The following TBC1D32 variants were observed in gnomAD, a reference collection of about 807,000 sequenced individuals.
TBC1D32 encodes TBC1 domain family member 32.
Under a neutral mutation model 170.3 loss-of-function variants are expected in TBC1D32, and 151 were observed. That is an observed-to-expected ratio of 0.89 (90% CI 0.78 to 1.01). TBC1D32 has a LOEUF of 1.01. Among genes scored for constraint, TBC1D32 ranks in the 50% least tolerant of loss-of-function variants. The pLI, the probability that TBC1D32 is intolerant of heterozygous loss-of-function variation, is 0.00. For missense variants in TBC1D32, 1,464 were observed against 1,457.1 expected, an observed-to-expected ratio of 1.00 and a Z score of -0.08; for synonymous variants, 498 against 488.0, an observed-to-expected ratio of 1.02 and a Z score of -0.27.
rs187835969 is a variant in TBC1D32, at chr6:121,334,449, C to A, written c.-19G>T. ...GGGCCATCCTGTTGGAATCAAACGT[C>A]CACTCTCATTACTCCAGGTCCGAGC... On this transcript the variant is annotated 5_prime_UTR_variant, in exon 1 of 32. Transcript: ENST00000398212. The A allele has an allele frequency of 6.2e-7, 1 of 1,609,156 alleles. No individual in the cohort carries two copies. The highest frequency in any genetic ancestry group is 2.2e-5 in the East Asian group (1 of 44,640).
At chr6:121,278,393 T>C (rs1298279154) in intron 15 of TBC1D32, among the ~76,000 whole-genome samples, 1 of 152,106 alleles carries the variant, frequency 6.6e-6, no homozygotes, top group Admixed American at 6.6e-5. Flanking sequence ...GATTTATATA[T>C]CATGAACAAG....
At chr6:121,251,369 T>C (rs1184158633) in intron 17 of TBC1D32, among the ~76,000 whole-genome samples, 1 of 151,716 alleles carries the variant, frequency 6.6e-6, no homozygotes, top group East Asian at 1.9e-4. Flanking sequence ...TATAGACCAA[T>C]GGAACAGAAC....
chr6:121,262,793 GA>G (rs1295634963), intron 15 of TBC1D32, among the ~76,000 whole-genome samples: 4 of 152,018 alleles, frequency 2.6e-5, no homozygotes. Flanking sequence ...CATTCTTAAA[GA>G]AAAAAATTTT....
chr6:121,203,199 A>G (rs1791821146), intron 22 of TBC1D32, among the ~76,000 whole-genome samples: 1 of 151,422 alleles, frequency 6.6e-6, no homozygotes. Context: ...GATATCAATG[A>G]CCAATAATAG....
chr6:121,243,021 T>C (rs1797184502), intron 17 of TBC1D32, among the ~76,000 whole-genome samples: 1 of 151,814 alleles, frequency 6.6e-6, no homozygotes, highest in African/African-American at 2.4e-5. Flanking sequence ...TATACATTAA[T>C]GTCTTAGGAA....
At chr6:121,112,738 T>A in intron 28 of TBC1D32, 79 bp from the exon 29 acceptor site, 1 of 1,188,704 alleles carries the variant, frequency 8.4e-7, no homozygotes, top group Non-Finnish European at 1.1e-6. Flanking sequence ...ATAAAATGAA[T>A]ATATTAAATA....
chr6:121,195,255 T>A (rs1425440035), intron 22 of TBC1D32, among the ~76,000 whole-genome samples: 5 of 152,180 alleles, frequency 3.3e-5, no homozygotes, highest in African/African-American at 1.2e-4. Context: ...ATCCAGCAGA[T>A]CCAATGAGGC....
intron 14 of TBC1D32, 60 bp from the exon 15 acceptor site, chr6:121,279,305 CA>C (rs1431102822): frequency 6.5e-7 from 1 of 1,545,988 alleles, no homozygotes; most frequent in Non-Finnish European, 8.7e-7. Flanking sequence ...TAACATATCA[CA>C]GACTAAAATC....
At chr6:121,137,360 GT>G (rs1414058193) in intron 24 of TBC1D32, among the ~76,000 whole-genome samples, 3 of 151,200 alleles carry the variant, frequency 2.0e-5, no homozygotes. Context: ...CTACCAGTTT[GT>G]TTTCCCAAGA....
chr6:121,188,790 A>C (rs1789550851), intron 22 of TBC1D32, among the ~76,000 whole-genome samples: 1 of 152,156 alleles, frequency 6.6e-6, no homozygotes, highest in Non-Finnish European at 1.5e-5. Flanking sequence ...AAAAATAAAA[A>C]ATAGTGGTTA....
At chr6:121,124,009 T>A (rs902523595) in intron 26 of TBC1D32, among the ~76,000 whole-genome samples, 4 of 152,006 alleles carry the variant, frequency 2.6e-5, no homozygotes, top group Admixed American at 1.3e-4. Flanking sequence ...CCATTTTGAA[T>A]TTTTGACTTC....
chr6:121,323,098 T>C lies in TBC1D32; in HGVS notation c.156-1304A>G, dbSNP rs866745742. On this transcript the variant is annotated intron_variant, in intron 1 of 31. Transcript: ENST00000398212. ...GCATTATTTTTCAATACTCCCAAAC[T>C]TGACAACATAGGATGCTCTTTAATG... is the stretch of plus-strand genomic sequence containing the variant. Among the ~76,000 whole-genome samples the C allele has an allele frequency of 1.6e-3, 237 of 152,204 alleles. 1 individual carries two copies. Among genetic ancestry groups the C allele is most frequent in the African/African-American group, 5.5e-3 (230 of 41,456 alleles).
chr6:121,307,212 A>G (rs1807459266), intron 5 of TBC1D32, among the ~76,000 whole-genome samples: 1 of 151,156 alleles, frequency 6.6e-6, no homozygotes, highest in Admixed American at 6.6e-5. Flanking sequence ...CCATCTCTAC[A>G]AAAAATACAA....
At position 121,198,291 on chromosome 6, in the gene TBC1D32, C is replaced by CAT. The variant is rs1354601287; in HGVS notation, c.2570+6782_2570+6783dup. ...TATATATAATATACACACACACACA[C>CAT]ATATATATGTATCCTATAAGTTTGG... On this transcript the variant is annotated intron_variant, in intron 22 of 31. Transcript: ENST00000398212. 3.6e-5 allele frequency among the ~76,000 whole-genome samples: 5 copies of CAT among 137,970 alleles called. No individual in the cohort carries two copies. The East Asian group carries it at 8.1e-4, about 22-fold the overall frequency. The allele number at this position is 137,970 out of a possible 152,430, so 90.5% of individuals were successfully genotyped here. A position where few individuals can be genotyped will look rare whatever the true frequency, so the allele number is the denominator to read the frequency against.
intron 3 of TBC1D32, among the ~76,000 whole-genome samples, chr6:121,311,294 G>T (rs1808158106): frequency 6.6e-6 from 1 of 152,028 alleles, no homozygotes; most frequent in Admixed American, 6.5e-5. Context: ...GTTCTTTGGT[G>T]AAAAAACTCC....
intron 15 of TBC1D32, among the ~76,000 whole-genome samples, chr6:121,276,127 A>C (rs1802178947): frequency 6.6e-6 from 1 of 151,812 alleles, no homozygotes; most frequent in African/African-American, 2.4e-5. Flanking sequence ...CTCAAAAAAA[A>C]AAAAAAAACA....
intron 22 of TBC1D32, among the ~76,000 whole-genome samples, chr6:121,171,890 C>T (rs939291309): frequency 2.6e-5 from 4 of 151,872 alleles, no homozygotes; most frequent in African/African-American, 9.7e-5. Flanking sequence ...AGGAAATAGG[C>T]GATCCAAGAA....
At chr6:121,111,911 C>T (rs1047313015) in intron 29 of TBC1D32, among the ~76,000 whole-genome samples, 3 of 151,960 alleles carry the variant, frequency 2.0e-5, no homozygotes, top group African/African-American at 7.2e-5. Flanking sequence ...GCAGTTTCCC[C>T]TAGTTGGAAA....
At chr6:121,317,450 A>G (rs1809084040) in intron 3 of TBC1D32, 45 bp downstream of exon 3, 5 of 1,395,524 alleles carry the variant, frequency 3.6e-6, no homozygotes, top group Non-Finnish European at 4.8e-6. Flanking sequence ...GCTAATTATT[A>G]TTAAACAGCA....
Sources: allele counts gnomAD v4.1 joint callset (sites outside exome capture counted in the v4.1 genomes callset), GRCh38; gene constraint gnomAD v4.1.1; transcripts MANE v1.5; gene names NCBI Gene and HGNC (gene_info 2026-07-23, HGNC 2026-07-21).